Variants in DOCK3 observed in about 807,000 individuals in gnomAD.
DOCK3 encodes the protein dedicator of cytokinesis 3.
In DOCK3, 60 loss-of-function variants were observed where a neutral mutation model predicts 265.6. That is an observed-to-expected ratio of 0.23 (90% CI 0.18 to 0.28). The LOEUF is 0.28. DOCK3 is among the 10% of genes least tolerant of loss of function. DOCK3 has a pLI of 1.00. For synonymous variants in DOCK3, 881 were observed against 938.0 expected, an observed-to-expected ratio of 0.94 and a Z score of 1.11; for missense variants, 1,981 against 2,594.3, an observed-to-expected ratio of 0.76 and a Z score of 5.14.
At chr3:50,985,297 A>G (rs547751806) in intron 5 of DOCK3, among the ~76,000 whole-genome samples, 3 of 152,300 alleles carry the variant, frequency 2.0e-5, no homozygotes, top group South Asian at 2.1e-4. Context: ...TGTGTATACA[A>G]ATTTTCTGCT....
chr3:51,046,743 A>G (rs1325589182), intron 5 of DOCK3, among the ~76,000 whole-genome samples: 1 of 152,172 alleles, frequency 6.6e-6, no homozygotes, highest in Non-Finnish European at 1.5e-5. Flanking sequence ...AGACATACAC[A>G]GAACATGCCA....
At chr3:51,166,473 T>G (rs1213994822) in intron 12 of DOCK3, among the ~76,000 whole-genome samples, 4 of 152,222 alleles carry the variant, frequency 2.6e-5, no homozygotes, top group Non-Finnish European at 5.9e-5. Context: ...TTTCTTTTTC[T>G]TTGGGATATA....
chr3:51,283,751 C>T (rs2081263869), intron 27 of DOCK3, among the ~76,000 whole-genome samples: 1 of 152,196 alleles, frequency 6.6e-6, no homozygotes, highest in African/African-American at 2.4e-5. Flanking sequence ...TTTATAGCTT[C>T]TACCCAAGGG....
chr3:50,686,734 C>G (rs1393000410), intron 1 of DOCK3, among the ~76,000 whole-genome samples: 1 of 151,790 alleles, frequency 6.6e-6, no homozygotes, highest in African/African-American at 2.4e-5. Flanking sequence ...CATGGTGAAA[C>G]CCCATCTCTA....
intron 1 of DOCK3, among the ~76,000 whole-genome samples, chr3:50,700,328 T>A (rs2035953600): frequency 6.6e-6 from 1 of 152,220 alleles, no homozygotes; most frequent in Non-Finnish European, 1.5e-5. Flanking sequence ...AAATATACAA[T>A]AAGTTGTATA....
chr3:51,288,901 T>TGG (rs1303273802), intron 27 of DOCK3, among the ~76,000 whole-genome samples: 5 of 143,652 alleles, frequency 3.5e-5, no homozygotes, highest in African/African-American at 1.2e-4. Context: ...TGTGTGTGTG[T>TGG]GGGTGTGTGT....
intron 5 of DOCK3, among the ~76,000 whole-genome samples, chr3:50,975,354 T>C (rs1018164453): frequency 9.3e-5 from 14 of 150,698 alleles, no homozygotes; most frequent in South Asian, 2.1e-4. Context: ...GCATGAAGGG[T>C]TGTTGAATTT....
intron 27 of DOCK3, among the ~76,000 whole-genome samples, chr3:51,300,387 T>C (rs2082308389): frequency 6.6e-6 from 1 of 152,226 alleles, no homozygotes; most frequent in Non-Finnish European, 1.5e-5. Flanking sequence ...TTGAATACCC[T>C]TTATTTGTTT....
chr3:50,944,774 G>C (rs1030604564), intron 5 of DOCK3, among the ~76,000 whole-genome samples: 5 of 152,014 alleles, frequency 3.3e-5, no homozygotes, highest in African/African-American at 1.2e-4. Context: ...GCCTGGCCAA[G>C]ATGGCAAAAC....
intron 26 of DOCK3, chr3:51,278,229 A>G: frequency 1.0e-6 from 1 of 985,334 alleles, no homozygotes; most frequent in Non-Finnish European, 1.2e-6. Context: ...ATTTGGAAAA[A>G]TATGATGAGG....
At chr3:51,020,952 G>C (rs1384557831) in intron 5 of DOCK3, among the ~76,000 whole-genome samples, 2 of 151,792 alleles carry the variant, frequency 1.3e-5, no homozygotes, top group Admixed American at 1.3e-4. Flanking sequence ...GGCTATTTGA[G>C]CTCTTTTTTG....
intron 14 of DOCK3, among the ~76,000 whole-genome samples, chr3:51,218,291 G>A (rs769524065): frequency 5.3e-5 from 8 of 152,082 alleles, no homozygotes; most frequent in East Asian, 1.9e-4. Context: ...AAAATTAGCC[G>A]GGCATGGTGG....
intron 22 of DOCK3, among the ~76,000 whole-genome samples, chr3:51,256,168 G>T (rs540252507): frequency 6.6e-6 from 1 of 152,202 alleles, no homozygotes; most frequent in Non-Finnish European, 1.5e-5. Flanking sequence ...TATCACCAGC[G>T]GAGGCTCAGC....
At chr3:50,908,659 A>T (rs1311734702) in intron 4 of DOCK3, among the ~76,000 whole-genome samples, 1 of 152,128 alleles carries the variant, frequency 6.6e-6, no homozygotes, top group East Asian at 1.9e-4. Context: ...TTTTAGAGTA[A>T]GTGCCATGTG....
intron 10 of DOCK3, among the ~76,000 whole-genome samples, chr3:51,151,643 C>T (rs1249823209): frequency 6.6e-6 from 1 of 152,170 alleles, no homozygotes; most frequent in African/African-American, 2.4e-5. Context: ...CCAGTTGTTC[C>T]TTTCCATGTT....
intron 5 of DOCK3, among the ~76,000 whole-genome samples, chr3:51,029,288 G>T (rs2079942373): frequency 2.0e-5 from 3 of 152,102 alleles, no homozygotes; most frequent in Non-Finnish European, 4.4e-5. Flanking sequence ...CTGGTAGATG[G>T]TGTCTAAGAG....
intron 19 of DOCK3, among the ~76,000 whole-genome samples, 169 bp from the exon 20 acceptor site, chr3:51,236,176 C>G (rs1213889903): frequency 6.6e-6 from 1 of 152,140 alleles, no homozygotes; most frequent in Non-Finnish European, 1.5e-5. Context: ...ACCTAGTTAT[C>G]ACTTAGCTGG....
chr3:50,809,854 A>T (rs934142897), intron 2 of DOCK3, among the ~76,000 whole-genome samples: 1 of 152,192 alleles, frequency 6.6e-6, no homozygotes, highest in African/African-American at 2.4e-5. Flanking sequence ...GAATCAGGTG[A>T]TATTTGTCAG....
chr3:50,834,555 T>G (rs984201812), intron 2 of DOCK3, among the ~76,000 whole-genome samples: 1 of 152,166 alleles, frequency 6.6e-6, no homozygotes, highest in Non-Finnish European at 1.5e-5. Flanking sequence ...GTATACCAAA[T>G]AAGCTGAATA....
Sources: gnomAD v4.1 joint callset for allele counts (sites outside exome capture counted in the v4.1 genomes callset) on GRCh38, gnomAD v4.1.1 for gene constraint, MANE v1.5 for transcripts, NCBI Gene and HGNC (gene_info 2026-07-23, HGNC 2026-07-21) for gene names.